The following RPS6KC1 variants were observed in gnomAD, a reference collection of about 807,000 sequenced individuals.
RPS6KC1 encodes the protein ribosomal protein S6 kinase C1, also known as inactive ribosomal protein S6 kinase delta-1.
RPS6KC1 carries 54 observed loss-of-function variants against 103.8 expected under a neutral mutation model. That is an observed-to-expected ratio of 0.52 (90% CI 0.42 to 0.65). RPS6KC1 has a LOEUF of 0.65. RPS6KC1 is among the 30% of genes least tolerant of loss of function. The probability of loss-of-function intolerance (pLI) is 0.00; values close to 1 mark genes in which losing one functional copy is unlikely to be tolerated. For synonymous variants in RPS6KC1, 439 were observed against 438.7 expected (o/e 1.00, Z -0.01); for missense variants, 1,151 against 1,253.8 (o/e 0.92, Z 1.24).
the RPS6KC1 span, among the ~76,000 whole-genome samples, chr1:213,704,109 C>T: frequency 1.7e-3 from 260 of 152,168 alleles, 1 homozygote; most frequent in African/African-American, 5.7e-3. Context: ...TGATGTAGGC[C>T]GGGCGCGGTG....
chr1:213,689,083 A>G, the RPS6KC1 span, among the ~76,000 whole-genome samples: 2 of 152,332 alleles, frequency 1.3e-5, no homozygotes, highest in Non-Finnish European at 2.9e-5. Context: ...TGTGTGTTGA[A>G]GATTCCTTTT....
the RPS6KC1 span, among the ~76,000 whole-genome samples, chr1:213,786,808 ATCT>A: frequency 6.6e-6 from 1 of 152,154 alleles, no homozygotes; most frequent in African/African-American, 2.4e-5. Flanking sequence ...ATCTCCCCAA[ATCT>A]TCTTCCTCAG....
the RPS6KC1 span, among the ~76,000 whole-genome samples, chr1:213,602,197 C>T: frequency 6.4e-5 from 5 of 77,790 alleles, no homozygotes; most frequent in Admixed American, 1.6e-4. Flanking sequence ...TTTTTCCCTC[C>T]CTCCCTCCCT....
the RPS6KC1 span, among the ~76,000 whole-genome samples, chr1:213,513,920 T>G: frequency 6.6e-6 from 1 of 152,136 alleles, no homozygotes; most frequent in Non-Finnish European, 1.5e-5. Flanking sequence ...TGCGCTGGAG[T>G]GCTCACGTGC....
the RPS6KC1 span, among the ~76,000 whole-genome samples, chr1:213,600,960 G>C: frequency 6.6e-6 from 1 of 152,236 alleles, no homozygotes; most frequent in Non-Finnish European, 1.5e-5. Context: ...GGCTGGGAAG[G>C]AGGATGAGAC....
chr1:213,278,772 G>A (rs2095117343), downstream of RPS6KC1, among the ~76,000 whole-genome samples: 1 of 152,226 alleles, frequency 6.6e-6, no homozygotes, highest in Admixed American at 6.5e-5. Flanking sequence ...GTGTTATAAA[G>A]TACAACTGGA....
At chr1:213,370,063 C>G in the RPS6KC1 span, among the ~76,000 whole-genome samples, 2 of 152,194 alleles carry the variant, frequency 1.3e-5, no homozygotes, top group East Asian at 3.9e-4. Context: ...TATCTCGAAG[C>G]AATTGCAATG....
intron 3 of RPS6KC1, among the ~76,000 whole-genome samples, chr1:213,084,392 C>T (rs1293310397): frequency 2.0e-5 from 3 of 152,154 alleles, no homozygotes; most frequent in Non-Finnish European, 4.4e-5. Flanking sequence ...ACTTTAGCCT[C>T]CCTAAGTGCT....
chr1:213,608,600 T>C, the RPS6KC1 span, among the ~76,000 whole-genome samples: 1 of 152,112 alleles, frequency 6.6e-6, no homozygotes, highest in South Asian at 2.1e-4. Context: ...TTTAAGCAAG[T>C]TCCTGATTAT....
the RPS6KC1 span, among the ~76,000 whole-genome samples, chr1:213,837,075 A>T: frequency 6.6e-6 from 1 of 152,204 alleles, no homozygotes; most frequent in Non-Finnish European, 1.5e-5. Context: ...ATGATTAAAT[A>T]AAGCTCCCAG....
At chr1:213,709,342 G>C in the RPS6KC1 span, among the ~76,000 whole-genome samples, 1 of 152,284 alleles carries the variant, frequency 6.6e-6, no homozygotes, top group Non-Finnish European at 1.5e-5. Flanking sequence ...TTGCATAGAG[G>C]TGTTTATAGT....
At chr1:213,184,133 T>G (rs1315235059) in intron 8 of RPS6KC1, among the ~76,000 whole-genome samples, 1 of 152,146 alleles carries the variant, frequency 6.6e-6, no homozygotes. Flanking sequence ...GATGAAATCT[T>G]GAGGCTCAAA....
intron 5 of RPS6KC1, 86 bp from the exon 6 acceptor site, chr1:213,129,441 A>G: frequency 5.7e-6 from 8 of 1,396,612 alleles, no homozygotes; most frequent in South Asian, 2.8e-5. Flanking sequence ...CTTGGATAAT[A>G]TGAAAAATGA....
the RPS6KC1 span, among the ~76,000 whole-genome samples, chr1:213,307,426 A>G: frequency 6.6e-6 from 1 of 152,132 alleles, no homozygotes; most frequent in Non-Finnish European, 1.5e-5. Context: ...CTTCCCTGTG[A>G]CATGTGAAAC....
the RPS6KC1 span, among the ~76,000 whole-genome samples, chr1:213,756,151 G>A: frequency 2.6e-5 from 4 of 152,094 alleles, no homozygotes; most frequent in Non-Finnish European, 5.9e-5. Flanking sequence ...ACACTGTTTT[G>A]TACTACTACT....
chr1:213,848,970 T>C, the RPS6KC1 span, among the ~76,000 whole-genome samples: 2 of 151,984 alleles, frequency 1.3e-5, no homozygotes, highest in African/African-American at 4.8e-5. Flanking sequence ...AAATCAAAGA[T>C]GGCATGTCAT....
chr1:213,279,398 T>C (rs982463490), downstream of RPS6KC1, among the ~76,000 whole-genome samples: 1 of 152,182 alleles, frequency 6.6e-6, no homozygotes, highest in Non-Finnish European at 1.5e-5. Context: ...TTATGGACTG[T>C]TGTTTGTAAA....
At chr1:213,612,991 G>A in the RPS6KC1 span, among the ~76,000 whole-genome samples, 1 of 152,154 alleles carries the variant, frequency 6.6e-6, no homozygotes, top group African/African-American at 2.4e-5. Flanking sequence ...CCTTGGGATG[G>A]TGACTCTCAT....
the RPS6KC1 span, among the ~76,000 whole-genome samples, chr1:213,674,026 AT>A: frequency 8.5e-4 from 126 of 148,278 alleles, 3 homozygotes; most frequent in South Asian, 0.02. Context: ...CTATTGTACC[AT>A]TTTTTTTTTG....
Sources: gnomAD v4.1 joint callset for allele counts (sites outside exome capture counted in the v4.1 genomes callset) on GRCh38, gnomAD v4.1.1 for gene constraint, MANE v1.5 for transcripts, NCBI Gene and HGNC (gene_info 2026-07-23, HGNC 2026-07-21) for gene names.